ENAH: variants seen among roughly 807,000 people sequenced by gnomAD.
ENAH encodes the protein ENAH actin regulator, also known as protein enabled homolog.
In ENAH, 23 loss-of-function variants were observed where a neutral mutation model predicts 78.7. That is an observed-to-expected ratio of 0.29 (90% CI 0.21 to 0.41). ENAH has a LOEUF of 0.41. Ranked by LOEUF, ENAH falls within the 10% of genes least tolerant of loss-of-function variation. ENAH has a pLI of 1.00. For synonymous variants in ENAH, 226 were observed against 241.0 expected (o/e 0.94, Z 0.58); for missense variants, 544 against 691.0 (o/e 0.79, Z 2.39).
chr1:225,615,791 G>A (rs1352776779), intron 1 of ENAH, among the ~76,000 whole-genome samples: 1 of 151,956 alleles, frequency 6.6e-6, no homozygotes, highest in East Asian at 1.9e-4. Flanking sequence ...GAGAAGTGAG[G>A]AGCCCCTCTG....
At chr1:225,602,744 T>TA (rs2096937277) in intron 1 of ENAH, among the ~76,000 whole-genome samples, 1 of 151,896 alleles carries the variant, frequency 6.6e-6, no homozygotes, top group African/African-American at 2.4e-5. Context: ...CTGTAAAAAA[T>TA]AAGAGTGTAA....
intron 1 of ENAH, among the ~76,000 whole-genome samples, chr1:225,587,032 G>A (rs2096850980): frequency 6.6e-6 from 1 of 152,120 alleles, no homozygotes; most frequent in Non-Finnish European, 1.5e-5. Flanking sequence ...AAAGTAGGAA[G>A]AGAAGTGATT....
chr1:225,539,154 C>T (rs924595859), intron 3 of ENAH, among the ~76,000 whole-genome samples: 3 of 152,140 alleles, frequency 2.0e-5, no homozygotes, highest in Non-Finnish European at 4.4e-5. Context: ...ACTACCTTTT[C>T]TTTTACTCCT....
chr1:225,503,658 CAAAA>C (rs10683254), intron 11 of ENAH, among the ~76,000 whole-genome samples: 3 of 82,948 alleles, frequency 3.6e-5, no homozygotes, highest in Non-Finnish European at 4.4e-5. Context: ...CAAACCACCT[CAAAA>C]AAAAAAAAAA....
At chr1:225,614,675 C>T (rs1190340982) in intron 1 of ENAH, among the ~76,000 whole-genome samples, 3 of 152,160 alleles carry the variant, frequency 2.0e-5, no homozygotes, top group African/African-American at 7.2e-5. Flanking sequence ...AGCTCCCCCA[C>T]CCTGAAGCTA....
intron 10 of ENAH, among the ~76,000 whole-genome samples, chr1:225,511,488 C>T (rs1360211368): frequency 1.3e-5 from 2 of 152,204 alleles, no homozygotes; most frequent in Non-Finnish European, 2.9e-5. Flanking sequence ...GGACATCCTT[C>T]TCAATTTGAG....
chr1:225,597,867 C>T (rs567993873), intron 1 of ENAH, among the ~76,000 whole-genome samples: 2 of 152,122 alleles, frequency 1.3e-5, no homozygotes, highest in South Asian at 4.1e-4. Flanking sequence ...CTGAAATCAA[C>T]CTGTTTAACT....
At chr1:225,517,429 G>C in intron 5 of ENAH, 123 bp from the exon 6 acceptor site, 1 of 1,551,764 alleles carries the variant, frequency 6.4e-7, no homozygotes, top group Non-Finnish European at 8.7e-7. Flanking sequence ...CAGTGGAGGC[G>C]GCGGCGGAGG....
intron 1 of ENAH, among the ~76,000 whole-genome samples, chr1:225,647,625 T>C (rs2148497209): frequency 6.6e-6 from 1 of 152,280 alleles, no homozygotes; most frequent in African/African-American, 2.4e-5. Context: ...GGAGTCAGGA[T>C]GTGAGTTTTT....
chr1:225,635,587 A>G (rs1428619169), intron 1 of ENAH, among the ~76,000 whole-genome samples: 1 of 152,196 alleles, frequency 6.6e-6, no homozygotes, highest in Non-Finnish European at 1.5e-5. Context: ...ACTGTGGTCC[A>G]TACTCAAAGA....
At chr1:225,630,838 A>G (rs542271233) in intron 1 of ENAH, among the ~76,000 whole-genome samples, 1 of 152,366 alleles carries the variant, frequency 6.6e-6, no homozygotes, top group African/African-American at 2.4e-5. Flanking sequence ...TACAACTTGA[A>G]TTCTCAAGCT....
intron 3 of ENAH, among the ~76,000 whole-genome samples, chr1:225,547,606 C>T (rs1296433743): frequency 6.6e-6 from 1 of 152,148 alleles, no homozygotes; most frequent in African/African-American, 2.4e-5. Context: ...TACAGCTTTA[C>T]TCACATTATC....
intron 3 of ENAH, among the ~76,000 whole-genome samples, chr1:225,533,193 T>C (rs1039037323): frequency 6.6e-6 from 1 of 152,122 alleles, no homozygotes; most frequent in Non-Finnish European, 1.5e-5. Flanking sequence ...AAATTTAAGG[T>C]ACACAATTAC....
At chr1:225,545,888 T>C (rs943580287) in intron 3 of ENAH, among the ~76,000 whole-genome samples, 1 of 150,068 alleles carries the variant, frequency 6.7e-6, no homozygotes, top group Non-Finnish European at 1.5e-5. Context: ...TTATTAGCTC[T>C]AATGATTAGG....
At chr1:225,562,593 A>AAAAC (rs1191285161) in intron 2 of ENAH, among the ~76,000 whole-genome samples, 1 of 148,868 alleles carries the variant, frequency 6.7e-6, no homozygotes, top group East Asian at 2.0e-4. Context: ...AAAAAAAAAA[A>AAAAC]AAAAAAAAAC....
intron 1 of ENAH, chr1:225,652,308 GA>G: frequency 2.0e-6 from 2 of 984,236 alleles, no homozygotes; most frequent in Non-Finnish European, 2.4e-6. Context: ...ACATATATAC[GA>G]AAAAATACCT....
intron 1 of ENAH, among the ~76,000 whole-genome samples, chr1:225,650,175 G>A (rs911613119): frequency 6.6e-6 from 1 of 152,140 alleles, no homozygotes; most frequent in Middle Eastern, 3.2e-3. Context: ...CTAACCACCT[G>A]CCAAATAATC....
Position 225,522,090 on chromosome 1 carries a change from C to T in ENAH, c.435-2525G>A, listed in dbSNP as rs529747387. Among the ~76,000 whole-genome samples, 170 of 152,252 alleles carry T rather than the reference C, an allele frequency of 1.1e-3. 2 individuals carry two copies. Among genetic ancestry groups the T allele is most frequent in the African/African-American group, 3.9e-3 (164 of 41,534 alleles). On this transcript the variant is annotated intron_variant, in intron 4 of 13. Coordinates refer to ENST00000366843, the MANE Select transcript of ENAH (RefSeq NM_018212.6). ...GATTACAGGTGTGAGCCACCGCGCC[C>T]GGCCCAACAATAGTTATTATTTGGA... is the stretch of plus-strand genomic sequence containing the variant.
intron 2 of ENAH, among the ~76,000 whole-genome samples, chr1:225,562,561 G>A (rs1472752072): frequency 2.1e-5 from 2 of 97,196 alleles, no homozygotes; most frequent in East Asian, 3.5e-4. Context: ...GACAGAGCGA[G>A]ACTGCGTCTC....
Sources: gnomAD v4.1 joint callset for allele counts (sites outside exome capture counted in the v4.1 genomes callset) on GRCh38, gnomAD v4.1.1 for gene constraint, MANE v1.5 for transcripts, NCBI Gene and HGNC (gene_info 2026-07-23, HGNC 2026-07-21) for gene names.